The following PRR16 variants were observed in gnomAD, a reference collection of about 807,000 sequenced individuals.
PRR16 encodes the protein proline rich 16.
A neutral mutation model predicts 18.2 loss-of-function variants in PRR16; 6 were observed. The ratio of observed to expected loss-of-function variants is 0.33; its 90% CI spans 0.18 to 0.65. The LOEUF is 0.65. PRR16 is among the 30% of genes least tolerant of loss of function. The pLI is 0.74. For synonymous variants in PRR16, 151 were observed against 147.8 expected (o/e 1.02, Z -0.16); for missense variants, 412 against 376.6 (o/e 1.09, Z -0.78).
intron 1 of PRR16, among the ~76,000 whole-genome samples, chr5:120,520,375 A>G (rs940965901): frequency 6.6e-6 from 1 of 152,196 alleles, no homozygotes; most frequent in African/African-American, 2.4e-5. Context: ...AGCCTGGATG[A>G]CAGAGTAAGA....
At chr5:120,656,572 A>T (rs904856079) in intron 1 of PRR16, among the ~76,000 whole-genome samples, 1 of 151,900 alleles carries the variant, frequency 6.6e-6, no homozygotes, top group Non-Finnish European at 1.5e-5. Context: ...CAGTATAATT[A>T]GTTGTGACAA....
intron 1 of PRR16, among the ~76,000 whole-genome samples, chr5:120,624,755 A>G (rs79852133): frequency 5.6e-4 from 86 of 152,300 alleles, no homozygotes; most frequent in African/African-American, 1.9e-3. Context: ...CTGATATGGT[A>G]TGGCTCTGTG....
intron 1 of PRR16, among the ~76,000 whole-genome samples, chr5:120,625,933 G>A (rs1168065724): frequency 4.6e-5 from 7 of 152,110 alleles, no homozygotes; most frequent in Non-Finnish European, 2.9e-5. Flanking sequence ...TCCAAGGGAT[G>A]TCTTGCTTAA....
intron 1 of PRR16, among the ~76,000 whole-genome samples, chr5:120,662,072 G>A (rs555289392): frequency 6.6e-6 from 1 of 152,160 alleles, no homozygotes; most frequent in Admixed American, 6.6e-5. Context: ...GGTAGCTAGG[G>A]TTGGTTCTTC....
chr5:120,534,192 A>G (rs1407751708), intron 1 of PRR16, among the ~76,000 whole-genome samples: 1 of 152,190 alleles, frequency 6.6e-6, no homozygotes, highest in Non-Finnish European at 1.5e-5. Flanking sequence ...TGGCAAATGG[A>G]TACTCTTTAT....
the PRR16 span, among the ~76,000 whole-genome samples, chr5:120,770,120 A>G: frequency 6.6e-6 from 1 of 151,978 alleles, no homozygotes; most frequent in African/African-American, 2.4e-5. Flanking sequence ...GAAACCAGAA[A>G]AGACCCAAAA....
intron 1 of PRR16, among the ~76,000 whole-genome samples, chr5:120,481,495 C>T (rs988799503): frequency 1.3e-5 from 2 of 152,128 alleles, no homozygotes; most frequent in Admixed American, 6.5e-5. Context: ...ATTTAGCATA[C>T]ATGTATTGTA....
At chr5:120,491,285 A>G (rs1750029546) in intron 1 of PRR16, among the ~76,000 whole-genome samples, 2 of 152,084 alleles carry the variant, frequency 1.3e-5, no homozygotes, top group African/African-American at 2.4e-5. Context: ...CTCGGCCTTG[A>G]GATTAATTTT....
At chr5:120,585,957 C>T (rs1753427047) in intron 1 of PRR16, among the ~76,000 whole-genome samples, 1 of 151,906 alleles carries the variant, frequency 6.6e-6, no homozygotes, top group Non-Finnish European at 1.5e-5. Context: ...GGGTGGATCA[C>T]AAGGTCAAGT....
chr5:120,646,565 T>G (rs1000426154), intron 1 of PRR16, among the ~76,000 whole-genome samples: 4 of 152,032 alleles, frequency 2.6e-5, no homozygotes, highest in Non-Finnish European at 5.9e-5. Flanking sequence ...TGCATGATTT[T>G]TTAGCTTCCA....
chr5:120,762,910 G>A, the PRR16 span, among the ~76,000 whole-genome samples: 1 of 152,000 alleles, frequency 6.6e-6, no homozygotes, highest in South Asian at 2.1e-4. Context: ...TGAGATCTTA[G>A]GTTTAAGTCT....
chr5:120,579,678 C>T (rs1397153326), intron 1 of PRR16, among the ~76,000 whole-genome samples: 1 of 152,174 alleles, frequency 6.6e-6, no homozygotes. Flanking sequence ...AGCATGTTGC[C>T]TCCAGCTCTG....
At chr5:120,508,750 G>T (rs1750727219) in intron 1 of PRR16, among the ~76,000 whole-genome samples, 1 of 151,956 alleles carries the variant, frequency 6.6e-6, no homozygotes, top group African/African-American at 2.4e-5. Context: ...CATATACAGG[G>T]ATCATCTTAG....
chr5:120,738,642 C>A, the PRR16 span, among the ~76,000 whole-genome samples: 1 of 152,110 alleles, frequency 6.6e-6, no homozygotes, highest in South Asian at 2.1e-4. Flanking sequence ...TTCACGGGTT[C>A]ACAGCTTATC....
chr5:120,503,674 A>C (rs1750542663), intron 1 of PRR16, among the ~76,000 whole-genome samples: 1 of 152,072 alleles, frequency 6.6e-6, no homozygotes. Context: ...GTTTTAGGGT[A>C]CATGTGCACA....
At chr5:120,791,537 TAA>T in the PRR16 span, among the ~76,000 whole-genome samples, 3 of 152,024 alleles carry the variant, frequency 2.0e-5, no homozygotes, top group African/African-American at 7.2e-5. Context: ...TCACTAATCC[TAA>T]GTGTTCTCAT....
chr5:120,657,301 A>C (rs2150135886), intron 1 of PRR16, among the ~76,000 whole-genome samples: 1 of 151,980 alleles, frequency 6.6e-6, no homozygotes. Context: ...ATAACACCTA[A>C]GTTTCTGATA....
At chr5:120,721,238 T>C in the PRR16 span, among the ~76,000 whole-genome samples, 1 of 152,062 alleles carries the variant, frequency 6.6e-6, no homozygotes, top group South Asian at 2.1e-4. Flanking sequence ...AAACAGAGAT[T>C]CCTGCTCTTG....
At chr5:120,667,693 T>C (rs1756440882) in intron 1 of PRR16, among the ~76,000 whole-genome samples, 1 of 152,084 alleles carries the variant, frequency 6.6e-6, no homozygotes, top group Non-Finnish European at 1.5e-5. Flanking sequence ...TCTTTATTTC[T>C]GCCTTCATTT....
Sources: gnomAD v4.1 joint callset for allele counts (sites outside exome capture counted in the v4.1 genomes callset) on GRCh38, gnomAD v4.1.1 for gene constraint, MANE v1.5 for transcripts, NCBI Gene and HGNC (gene_info 2026-07-23, HGNC 2026-07-21) for gene names.